The following BET1 variants were observed in gnomAD, a reference collection of about 807,000 sequenced individuals.
BET1 encodes BET1 homolog.
In BET1, 9 loss-of-function variants were observed where a neutral mutation model predicts 13.9. The ratio of observed to expected loss-of-function variants is 0.65; its 90% confidence interval spans 0.39 to 1.13. The LOEUF (loss-of-function observed/expected upper bound fraction) is 1.13, where lower values mean the gene tolerates loss of function less well. BET1 is among the 50% of genes most tolerant of loss of function. BET1 has a pLI of 0.01. For missense variants in BET1, 127 were observed against 133.6 expected, an observed-to-expected ratio of 0.95 and a Z score of 0.24; for synonymous variants, 39 against 47.3, an observed-to-expected ratio of 0.82 and a Z score of 0.72.
downstream of BET1, chr7:93,992,353 T>C (rs1182524571): frequency 1.2e-5 from 12 of 985,424 alleles, no homozygotes; most frequent in Non-Finnish European, 1.3e-5. Context: ...AGCTAAACAA[T>C]CCTGAAATCC....
chr7:93,963,135 G>A (rs1795119226), exon 7 of BET1: 1 of 151,984 alleles, frequency 6.6e-6, no homozygotes, highest in Admixed American at 6.6e-5. Context: ...CAAGGACTGG[G>A]GTTAGTTAGA....
intron 4 of BET1, chr7:93,987,107 T>G (rs1038580460): frequency 1.3e-5 from 2 of 151,968 alleles, no homozygotes; most frequent in Non-Finnish European, 2.9e-5. Flanking sequence ...AAAAAAGGGT[T>G]TTTTTGTTTT....
chr7:93,997,494 AGTGTT>A (rs2116128728), intron 2 of BET1, among the ~76,000 whole-genome samples: 1 of 152,314 alleles, frequency 6.6e-6, no homozygotes, highest in South Asian at 2.1e-4. Context: ...AGTCCTTCCA[AGTGTT>A]GTATTTTTAA....
At chr7:93,978,542 T>A (rs1478485712) in intron 4 of BET1, among the ~76,000 whole-genome samples, 4 of 152,226 alleles carry the variant, frequency 2.6e-5, no homozygotes, top group African/African-American at 9.6e-5. Flanking sequence ...TTCTGAACTC[T>A]GTAAGAATTT....
downstream of BET1, among the ~76,000 whole-genome samples, chr7:93,991,192 G>C (rs1795626692): frequency 6.6e-6 from 1 of 152,192 alleles, no homozygotes; most frequent in Non-Finnish European, 1.5e-5. Context: ...CCAGAAGATG[G>C]AAGGTTAATA....
Position 93,999,167 on chromosome 7 carries a change from T to G in BET1, c.144+3A>C. The G allele has an allele frequency of 6.2e-7, 1 of 1,605,056 alleles. No homozygotes were observed. The highest frequency in any genetic ancestry group is 8.5e-7 in the Non-Finnish European group (1 of 1,173,416). ...ACACATATAATATTTGTTATATACT[T>G]ACAGATTTTATAGCAGTTACTTTGC... On this transcript the variant is annotated splice_donor_region_variant and intron_variant, in intron 2 of 3. Transcript: ENST00000222547.
intron 2 of BET1, among the ~76,000 whole-genome samples, chr7:93,998,733 A>G (rs547539813): frequency 3.3e-5 from 5 of 152,234 alleles, no homozygotes; most frequent in African/African-American, 1.2e-4. Context: ...ACCAGGGGAT[A>G]GTATTAGAAA....
chr7:94,001,116 C>T (rs2116146007), intron 1 of BET1, among the ~76,000 whole-genome samples: 1 of 152,220 alleles, frequency 6.6e-6, no homozygotes, highest in East Asian at 1.9e-4. Context: ...TTTCATTTTC[C>T]CTATGAAGCA....
At chr7:93,998,987 T>A (rs1795833024) in intron 2 of BET1, among the ~76,000 whole-genome samples, 183 bp downstream of exon 2, 1 of 152,216 alleles carries the variant, frequency 6.6e-6, no homozygotes, top group Admixed American at 6.5e-5. Context: ...TATCTTTTGA[T>A]GTGCCACATT....
intron 4 of BET1, among the ~76,000 whole-genome samples, chr7:93,976,764 G>C (rs192380225): frequency 9.2e-5 from 14 of 152,058 alleles, no homozygotes; most frequent in Admixed American, 7.9e-4. Context: ...CTGAGATTTT[G>C]GTGCACCCAT....
chr7:94,000,197 C>G (rs1057046429), intron 1 of BET1: 1 of 151,964 alleles, frequency 6.6e-6, no homozygotes, highest in African/African-American at 2.4e-5. Context: ...CTCCGCCTCC[C>G]AGGTTCAGGC....
At chr7:93,979,326 T>A (rs1795390209) in intron 4 of BET1, among the ~76,000 whole-genome samples, 1 of 152,142 alleles carries the variant, frequency 6.6e-6, no homozygotes, top group African/African-American at 2.4e-5. Flanking sequence ...TGGCAGGGAT[T>A]TACCACCAAC....
At chr7:93,988,539 G>C (rs1289025868), downstream of BET1, among the ~76,000 whole-genome samples, 3 of 152,068 alleles carry the variant, frequency 2.0e-5, no homozygotes, top group Non-Finnish European at 2.9e-5. Context: ...GAGTTTACCT[G>C]GCATGGATTA....
rs140363274 is a variant in BET1, at chr7:93,976,788, T to C, written c.236-688A>G. Among the ~76,000 whole-genome samples the C allele has an allele frequency of 3.1e-3, 469 of 152,248 alleles. 2 individuals are homozygous for C. The highest frequency in any genetic ancestry group is 4.8e-3 in the Non-Finnish European group (324 of 67,998). On this transcript the variant is annotated intron_variant and NMD_transcript_variant, in intron 4 of 6. Transcript: ENST00000357520. ...TGGTGCACCCATTACCTGAGCAGCA[T>C]ACACTGTACCCAATGTGTAGTCTTT...
chr7:93,994,503 A>C (rs1795718725), intron 3 of BET1, 118 bp from the exon 4 acceptor site: 5 of 1,158,958 alleles, frequency 4.3e-6, no homozygotes, highest in Non-Finnish European at 1.2e-6. Context: ...TTTTGTGTTT[A>C]ATCAATTCAG....
chr7:93,965,288 T>C (rs1036711581), exon 7 of BET1: 4 of 151,906 alleles, frequency 2.6e-5, no homozygotes, highest in African/African-American at 9.7e-5. Flanking sequence ...TCTAGACTAG[T>C]TTCTTGTAGC....
At chr7:93,979,497 T>C (rs1021194351) in intron 4 of BET1, among the ~76,000 whole-genome samples, 12 of 152,114 alleles carry the variant, frequency 7.9e-5, no homozygotes, top group African/African-American at 2.9e-4. Flanking sequence ...AAGATGGGAA[T>C]GGTAGTGTCA....
intron 1 of BET1, among the ~76,000 whole-genome samples, chr7:94,002,571 T>A (rs1375853986): frequency 6.6e-6 from 1 of 152,028 alleles, no homozygotes; most frequent in African/African-American, 2.4e-5. Flanking sequence ...AACAATACTT[T>A]AAAAACTTCC....
chr7:93,994,796 G>C (rs1043897790), intron 3 of BET1, among the ~76,000 whole-genome samples: 1 of 152,286 alleles, frequency 6.6e-6, no homozygotes, highest in East Asian at 1.9e-4. Context: ...CCCAAGTAGA[G>C]GATTTCATCC....
Sources: allele counts gnomAD v4.1 joint callset (sites outside exome capture counted in the v4.1 genomes callset), GRCh38; gene constraint gnomAD v4.1.1; transcripts MANE v1.5; gene names NCBI Gene and HGNC (gene_info 2026-07-23, HGNC 2026-07-21).